The following ABCC10 variants were observed in gnomAD, a reference collection of about 807,000 sequenced individuals.
ABCC10 encodes ATP binding cassette subfamily C member 10, also known as ATP-binding cassette sub-family C member 10.
ABCC10 carries 110 observed loss-of-function variants against 143.2 expected under a neutral mutation model. The ratio of observed to expected loss-of-function variants is 0.77; its 90% CI spans 0.66 to 0.90. The LOEUF is 0.90. Ranked by LOEUF, ABCC10 falls within the 40% of genes least tolerant of loss-of-function variation. The probability of loss-of-function intolerance (pLI) is 0.00; values close to 1 mark genes in which losing one functional copy is unlikely to be tolerated. For synonymous variants in ABCC10, 805 were observed against 846.7 expected (o/e 0.95, Z 0.85); for missense variants, 1,700 against 1,900.5 (o/e 0.89, Z 1.96).
At position 43,450,069 on chromosome 6, in the gene ABCC10, C is replaced by G. The variant is rs777326201; in HGVS notation, c.4457C>G (p.Pro1486Arg). Reference sequence around the variant, plus strand: ...CTGCAGAGCAGCCAGCAGGGAGTCCCTGCCTCACTCGGAGGTCCCTGAGCC... The same window carrying G: ...CTGCAGAGCAGCCAGCAGGGAGTCCGTGCCTCACTCGGAGGTCCCTGAGCC... ...QLLQSSQQGV[P>R]ASLGGP The change falls in exon 22 of 22, where the codon CCT (proline) becomes CGT (arginine). Residue 1486 changes from proline (P) to arginine (R), a missense_variant. Pro to Arg is a moderately radical substitution (Grantham distance 103, BLOSUM62 -2). Coordinates refer to ENST00000372530, the MANE Select transcript of ABCC10 (RefSeq NM_001198934.2). The surrounding 1 kb of genome is among the most constrained non-coding windows in gnomAD (Gnocchi z 4.5). 1 of 1,606,104 alleles carries G rather than the reference C, an allele frequency of 6.2e-7. No homozygotes were observed. The highest frequency in any genetic ancestry group is 1.7e-5 in the Admixed American group (1 of 59,642).
chr6:43,451,549 C>T (rs1783740027), downstream of ABCC10, among the ~76,000 whole-genome samples: 1 of 152,144 alleles, frequency 6.6e-6, no homozygotes, highest in African/African-American at 2.4e-5. The surrounding 1 kb of genome is among the most constrained non-coding windows in gnomAD (Gnocchi z 4.4). Context: ...GGCTCCTGGG[C>T]CTGATGCAGA....
chr6:43,450,645 T>C (rs959790697), downstream of ABCC10: 18 of 1,613,414 alleles, frequency 1.1e-5, no homozygotes, highest in Non-Finnish European at 1.5e-5. The surrounding 1 kb of genome is among the most constrained non-coding windows in gnomAD (Gnocchi z 4.5). Context: ...CGCTGGAGCA[T>C]AGTGTGGGGC....
rs750826228 is a variant in ABCC10, at chr6:43,432,338, T to C, written c.358T>C (p.Trp120Arg). Reference sequence around the variant, plus strand: ...CTGGATCAGCCACAGCCTGGCCCTGTGGGTGTTGGCACATTCCCCTCATGG... The same window carrying C: ...CTGGATCAGCCACAGCCTGGCCCTGCGGGTGTTGGCACATTCCCCTCATGG... ...VAWISHSLAL[W>R]VLAHSPHGHS... The change falls in exon 3 of 22, where the codon TGG becomes CGG. Residue 120 changes from tryptophan (W) to arginine (R), a missense_variant. By Grantham distance (101) the Trp-to-Arg change is moderately radical (BLOSUM62 -3). Coordinates refer to ENST00000372530, the MANE Select transcript of ABCC10 (RefSeq NM_001198934.2). 9 of 1,614,016 alleles carry C rather than the reference T, an allele frequency of 5.6e-6. No homozygotes were observed. The South Asian group carries it at 9.9e-5, about 18-fold the overall frequency.
At position 43,449,471 on chromosome 6, in the gene ABCC10, A is replaced by G; in HGVS notation, c.4253A>G (p.Gln1418Arg). The change falls in exon 21 of 22, where the codon CAG becomes CGG. Residue 1418 changes from glutamine (Q) to arginine (R), a missense_variant. Coordinates refer to ENST00000372530, the MANE Select transcript of ABCC10 (RefSeq NM_001198934.2). ...ATASVDQKTD[Q>R]LLQQTICKRF... The stretch of plus-strand genomic sequence containing the variant: ...GCAAGTGTGGACCAGAAGACAGACC[A>G]GCTGCTCCAGCAGACCATCTGCAAA... The G allele has an allele frequency of 6.2e-7, 1 of 1,614,040 alleles. No homozygotes were observed. The highest frequency in any genetic ancestry group is 1.3e-5 in the African/African-American group (1 of 75,020).
Position 43,438,787 on chromosome 6 carries a change from G to T in ABCC10, c.2119G>T (p.Asp707Tyr). 6.2e-7 allele frequency: 1 copy of T among 1,614,126 alleles called. No individual in the cohort carries two copies. Among genetic ancestry groups the T allele is most frequent in the Non-Finnish European group, 8.5e-7 (1 of 1,179,986 alleles). The change falls in exon 8 of 22, where the codon GAC becomes TAC. Residue 707 changes from aspartate (D) to tyrosine (Y), a missense_variant. Asp to Tyr is a radical substitution (Grantham distance 160). Transcript: ENST00000372530. ...EVLEACALND[D>Y]LSILPAGDQT... ...GCTAGAAGCCTGCGCCCTCAATGAT[G>T]ACCTCAGTGTGAGTGCCTGGCCTTG...
chr6:43,447,576 C>T (rs1783241131), intron 17 of ABCC10, 108 bp from the exon 18 acceptor site: 1 of 1,561,154 alleles, frequency 6.4e-7, no homozygotes, highest in Admixed American at 1.8e-5. Context: ...CTCATTCTCT[C>T]ATTCCTCTCA....
rs1338583471 is a variant in ABCC10 at position 43,448,877 on chromosome 6, C to T, written c.3960-4C>T. The T allele has an allele frequency of 7.5e-6, 12 of 1,608,232 alleles. No homozygotes were observed. The African/African-American group carries it at 1.3e-4, about 18-fold the overall frequency. On this transcript the variant is annotated splice_polypyrimidine_tract_variant and splice_region_variant and intron_variant, in intron 18 of 21. Transcript: ENST00000372530. ...CCACTAGACTCCATGTCATTGTCCC[C>T]CAGATCCCAGTTGGCTATCATCCCC...
At chr6:43,431,991 C>T (rs1781186576) in intron 2 of ABCC10, 151 bp from the exon 3 acceptor site, 1 of 1,437,056 alleles carries the variant, frequency 7.0e-7, no homozygotes, top group African/African-American at 1.4e-5. Context: ...GAGAAAAGAC[C>T]CTGGGTTCTG....
chr6:43,446,779 C>T, intron 16 of ABCC10: 1 of 1,199,706 alleles, frequency 8.3e-7, no homozygotes, highest in Non-Finnish European at 1.0e-6. Context: ...GGCCCACCCC[C>T]TGCCCTGCAT....
In ABCC10 at chr6:43,445,326, G is replaced by T. The variant is rs1782927483; in HGVS notation, c.3030+12G>T. 1.2e-6 allele frequency: 2 copies of T among 1,609,272 alleles called. No individual in the cohort carries two copies. Among genetic ancestry groups the T allele is most frequent in the Admixed American group, 1.7e-5 (1 of 59,156 alleles). On this transcript the variant is annotated intron_variant, in intron 14 of 21. Transcript: ENST00000372530. ...ATCGAGTCCTTATGGTGAGGGGCTG[G>T]GACCTCGGGGGTAGGGGAGTGCAGT...
At position 43,432,817 on chromosome 6, in the gene ABCC10, G is replaced by A. The variant is rs1781280488; in HGVS notation, c.837G>A (p.Gly279=). The A allele has an allele frequency of 1.2e-6, 2 of 1,614,188 alleles. No homozygotes were observed. The highest frequency in any genetic ancestry group is 1.7e-6 in the Non-Finnish European group (2 of 1,180,030). The change falls in exon 3 of 22, where the codon GGG becomes GGA. Residue 279 remains glycine, a synonymous_variant. Transcript: ENST00000372530. The stretch of plus-strand genomic sequence containing the variant: ...CACGGCTGTGGAGGGCCTTGTATGG[G>A]GCCTTTGGACGGTGCTATCTGGCAC... ...EGARLWRALY[G]AFGRCYLALG...
rs759595963 is a variant in ABCC10 at position 43,437,935 on chromosome 6, G to T, written c.1877G>T (p.Gly626Val). Residue 626 changes from glycine (G) to valine (V), a missense_variant and splice_region_variant, in exon 7 of 22, where the codon GGT becomes GTT. Coordinates refer to ENST00000372530, the MANE Select transcript of ABCC10 (RefSeq NM_001198934.2). ...GATGCTTGTGTGGCTTCCTTGCAGG[G>T]TATGCTGGTGGGCATCGTGGGGAAG... ...TFISHLEVKK[G>V]MLVGIVGKVG... The T allele has an allele frequency of 6.8e-6, 11 of 1,612,402 alleles. No homozygotes were observed. The African/African-American group carries it at 1.3e-4, about 20-fold the overall frequency.
Position 43,443,016 on chromosome 6 carries a change from C to A in ABCC10, c.2273C>A (p.Ala758Glu). The A allele has an allele frequency of 6.2e-7, 1 of 1,611,140 alleles. No individual in the cohort carries two copies. The highest frequency in any genetic ancestry group is 1.7e-4 in the Middle Eastern group (1 of 6,050). Reference protein sequence around the residue: ...LLDDPLAAVDADVANHLLHRC... With the variant: ...LLDDPLAAVDEDVANHLLHRC... ...GATGACCCTCTGGCCGCTGTGGATG[C>A]AGATGTGGCCAACCACCTGCTGCAC... Residue 758 changes from alanine (A) to glutamate (E), a missense_variant, in exon 10 of 22, where the codon GCA (alanine) becomes GAA (glutamate). Ala to Glu is a moderately radical substitution (Grantham distance 107). Transcript: ENST00000372530. This position sits in a 1 kb window ranked among gnomAD's most constrained non-coding sequence, Gnocchi z 4.2.
intron 21 of ABCC10, among the ~76,000 whole-genome samples, 160 bp from the exon 22 acceptor site, chr6:43,449,769 C>A (rs1783566501): frequency 6.6e-6 from 1 of 152,062 alleles, no homozygotes. Context: ...AGCACATTAT[C>A]TGAGGGACTC....
At position 43,432,824 on chromosome 6, in the gene ABCC10, G is replaced by A; in HGVS notation, c.844G>A (p.Gly282Arg). The change falls in exon 3 of 22, where the codon GGA becomes AGA. Residue 282 changes from glycine to arginine, a missense_variant. Physicochemically the swap from Gly to Arg is moderately radical, Grantham distance 125. Transcript: ENST00000372530. ...GTGGAGGGCCTTGTATGGGGCCTTTGGACGGTGCTATCTGGCACTTGGACT... is the reference window on the plus strand; with the variant it reads ...GTGGAGGGCCTTGTATGGGGCCTTTAGACGGTGCTATCTGGCACTTGGACT... ...RLWRALYGAF[G>R]RCYLALGLLK... 2 of 1,614,176 alleles carry A rather than the reference G, an allele frequency of 1.2e-6. No individual in the cohort carries two copies. Among genetic ancestry groups the A allele is most frequent in the Non-Finnish European group, 1.7e-6 (2 of 1,180,026 alleles).
intron 6 of ABCC10, among the ~76,000 whole-genome samples, chr6:43,437,522 G>C (rs1156489752): frequency 6.7e-6 from 1 of 149,734 alleles, no homozygotes; most frequent in Non-Finnish European, 1.5e-5. Context: ...TTTCCCCTGA[G>C]ATATGGTAAC....
intron 2 of ABCC10, among the ~76,000 whole-genome samples, chr6:43,428,548 C>A (rs561870478): frequency 6.6e-6 from 1 of 152,162 alleles, no homozygotes; most frequent in Admixed American, 6.6e-5. Flanking sequence ...ACCACTGCAA[C>A]CCATGAAACC....
chr6:43,431,615 G>T, intron 2 of ABCC10: 1 of 179,946 alleles, frequency 5.6e-6, no homozygotes, highest in Non-Finnish European at 1.1e-5. Context: ...TCCCGTCTCA[G>T]CCTCCCAAAG....
chr6:43,432,419 C>T lies in ABCC10; in HGVS notation c.439C>T (p.Leu147=). 1 of 1,611,964 alleles carries T rather than the reference C, an allele frequency of 6.2e-7. No homozygotes were observed. Among genetic ancestry groups the T allele is most frequent in the Non-Finnish European group, 8.5e-7 (1 of 1,180,016 alleles). ...ALVALLPAPA[L]VLTVLWHCQR... ...GGTAGCCTTGCTGCCAGCTCCAGCC[C>T]TAGTGCTGACCGTGTTGTGGCATTG... Residue 147 remains leucine (L), a synonymous_variant, in exon 3 of 22, where the codon CTA becomes TTA. Transcript: ENST00000372530.
Sources: gnomAD v4.1 joint callset for allele counts (sites outside exome capture counted in the v4.1 genomes callset) on GRCh38, gnomAD v4.1.1 for gene constraint, Gnocchi (gnomAD v3.1) non-coding constraint, MANE v1.5 for transcripts, NCBI Gene and HGNC (gene_info 2026-07-23, HGNC 2026-07-21) for gene names.